SUN1: variants seen among roughly 807,000 people sequenced by gnomAD.
SUN1 encodes Sad1 and UNC84 domain containing 1.
SUN1 carries 61 observed loss-of-function variants against 103.2 expected under a neutral mutation model. That is an observed-to-expected ratio of 0.59 (90% confidence interval 0.48 to 0.73). The LOEUF is 0.73. Ranked by LOEUF, SUN1 falls within the 30% of genes least tolerant of loss-of-function variation. The probability of loss-of-function intolerance (pLI) is 0.00; values close to 1 mark genes in which losing one functional copy is unlikely to be tolerated. For synonymous variants in SUN1, 490 were observed against 425.7 expected, an observed-to-expected ratio of 1.15 and a Z score of -1.86; for missense variants, 1,052 against 1,034.6, an observed-to-expected ratio of 1.02 and a Z score of -0.23.
rs1584572835 is a variant in SUN1 at position 842,840 on chromosome 7, T to C, written c.452-366T>C. ...TGGTGTTTGTTCTGTTTTGCTCAGCTAGTGAGAGTGGTTACCAGGCAACAG... is the reference window on the plus strand; with the variant it reads ...TGGTGTTTGTTCTGTTTTGCTCAGCCAGTGAGAGTGGTTACCAGGCAACAG... On this transcript the variant is annotated intron_variant, in intron 3 of 18. Coordinates refer to ENST00000401592, the MANE Select transcript of SUN1 (RefSeq NM_001130965.3). 7.4e-6 allele frequency: 3 copies of C among 407,066 alleles called. No homozygotes were observed. In the East Asian group the frequency reaches 1.6e-4, roughly 22 times the overall value. The allele number at this position is 407,066 out of a possible 1,614,324, so 25.2% of individuals were successfully genotyped here.
intron 15 of SUN1, among the ~76,000 whole-genome samples, chr7:863,105 G>C (rs1833510618): frequency 6.6e-6 from 1 of 152,334 alleles, no homozygotes; most frequent in East Asian, 1.9e-4. Flanking sequence ...TCGTGCCACT[G>C]CACTCCAGCC....
intron 7 of SUN1, 139 bp downstream of exon 7, chr7:852,182 T>G: frequency 1.3e-6 from 1 of 781,444 alleles, no homozygotes; most frequent in Non-Finnish European, 2.0e-6. Flanking sequence ...AAAAGTGCTT[T>G]TATATTCTTA....
At chr7:860,062 T>G in intron 13 of SUN1, 66 bp from the exon 14 acceptor site, 1 of 1,571,642 alleles carries the variant, frequency 6.4e-7, no homozygotes, top group South Asian at 1.2e-5. Flanking sequence ...TCTAAGATAA[T>G]GGACCCGAAC....
exon 1 of SUN1, chr7:816,623 T>C (rs1275029151): frequency 1.8e-5 from 7 of 382,376 alleles, no homozygotes; most frequent in African/African-American, 4.5e-5. Flanking sequence ...GCAGAGCGTC[T>C]TCTCGGGCCT....
At chr7:866,594 C>G (rs919728354) in intron 16 of SUN1, among the ~76,000 whole-genome samples, 4 of 132,474 alleles carry the variant, frequency 3.0e-5, no homozygotes, top group Non-Finnish European at 6.7e-5. Context: ...CACCATCTCC[C>G]CGGGCCTTCG....
intron 12 of SUN1, 97 bp from the exon 13 acceptor site, chr7:857,731 C>T (rs529094417): frequency 7.1e-7 from 1 of 1,411,168 alleles, no homozygotes; most frequent in East Asian, 2.4e-5. Context: ...TTGTGACACC[C>T]AGGAGTGGGA....
chr7:873,098 CA>C, intron 18 of SUN1, 116 bp from the exon 19 acceptor site: 1 of 955,514 alleles, frequency 1.0e-6, no homozygotes. Flanking sequence ...ACAACAACAA[CA>C]AAAGGTTAAT....
At position 858,111 on chromosome 7, in the gene SUN1, C is replaced by T. The variant is rs1057049223; in HGVS notation, c.1524+154C>T. The stretch of plus-strand genomic sequence containing the variant: ...TGGCACGCAGGCTAGACTGCAGTGG[C>T]GCGATCTCAGCTCACTGCAGGCCAC... On this transcript the variant is annotated intron_variant, in intron 13 of 18. Coordinates refer to ENST00000401592, the MANE Select transcript of SUN1 (RefSeq NM_001130965.3). 2.6e-5 allele frequency among the ~76,000 whole-genome samples: 4 copies of T among 152,194 alleles called. No homozygotes were observed. The highest frequency in any genetic ancestry group is 6.5e-5 in the Admixed American group (1 of 15,282).
chr7:857,494 C>T (rs1585015611), intron 12 of SUN1, among the ~76,000 whole-genome samples: 1 of 152,186 alleles, frequency 6.6e-6, no homozygotes, highest in African/African-American at 2.4e-5. Flanking sequence ...CCACCGCACC[C>T]AGTCCAGAAA....
chr7:838,732 T>G lies in SUN1; in HGVS notation c.78-66T>G. ...TACATTGCACTTTCAGTTTATGGTT[T>G]GTTCATTTTGTTTCAGAATGGGGGC... is the stretch of plus-strand genomic sequence containing the variant. On this transcript the variant is annotated intron_variant, in intron 1 of 18. Transcript: ENST00000401592. The G allele has an allele frequency of 2.8e-6, 4 of 1,408,458 alleles. No homozygotes were observed. In the South Asian group the frequency reaches 4.5e-5, roughly 16 times the overall value. The allele number at this position is 1,408,458 out of a possible 1,614,324, so 87.2% of individuals were successfully genotyped here.
intron 9 of SUN1, 116 bp from the exon 10 acceptor site, chr7:853,293 G>A (rs760887430): frequency 4.0e-5 from 47 of 1,185,012 alleles, no homozygotes; most frequent in Middle Eastern, 2.3e-4. Context: ...TCCTCCATTC[G>A]TGTGCCGTGC....
chr7:824,569 A>T (rs991060020), intron 1 of SUN1, among the ~76,000 whole-genome samples: 2 of 152,228 alleles, frequency 1.3e-5, no homozygotes, highest in African/African-American at 2.4e-5. Flanking sequence ...AAACACTGTG[A>T]TGACCACCGT....
At chr7:830,429 T>TA (rs1454820723), upstream of SUN1, among the ~76,000 whole-genome samples, 1 of 152,232 alleles carries the variant, frequency 6.6e-6, no homozygotes. Flanking sequence ...TTACCTCGTT[T>TA]CAAAGTGTTA....
chr7:837,005 G>A (rs1434562427), intron 1 of SUN1, among the ~76,000 whole-genome samples: 5 of 152,228 alleles, frequency 3.3e-5, no homozygotes, highest in African/African-American at 1.2e-4. Flanking sequence ...GGCCCCCGAC[G>A]CATGGATGGC....
At chr7:845,011 G>T (rs1336949890) in intron 5 of SUN1, among the ~76,000 whole-genome samples, 1 of 152,246 alleles carries the variant, frequency 6.6e-6, no homozygotes. Flanking sequence ...GCATGCCATT[G>T]ATAGGTTGAA....
chr7:818,938 A>G (rs1783453538), intron 1 of SUN1, among the ~76,000 whole-genome samples: 1 of 149,784 alleles, frequency 6.7e-6, no homozygotes, highest in African/African-American at 2.5e-5. Context: ...AACTCAGCTC[A>G]CCGCGACCTC....
chr7:831,273 C>CTTT (rs66807442), upstream of SUN1, among the ~76,000 whole-genome samples: 2 of 136,198 alleles, frequency 1.5e-5, no homozygotes, highest in South Asian at 2.4e-4. Context: ...TTGAAACGTG[C>CTTT]TTTTTTTTTT....
chr7:854,230 C>T (rs1824932851), intron 10 of SUN1, among the ~76,000 whole-genome samples: 1 of 152,252 alleles, frequency 6.6e-6, no homozygotes, highest in Non-Finnish European at 1.5e-5. Context: ...AGCCGTCTTC[C>T]AGCACGTGCC....
At chr7:856,518 A>G (rs889832526) in intron 12 of SUN1, 117 bp downstream of exon 12, 8 of 1,174,626 alleles carry the variant, frequency 6.8e-6, no homozygotes, top group East Asian at 2.4e-5. Context: ...GGGTCACCTG[A>G]AGGCCCTGAG....
Sources: gnomAD v4.1 joint callset for allele counts (sites outside exome capture counted in the v4.1 genomes callset) on GRCh38, gnomAD v4.1.1 for gene constraint, MANE v1.5 for transcripts, NCBI Gene and HGNC (gene_info 2026-07-23, HGNC 2026-07-21) for gene names.